The following GPC3 variants were observed in gnomAD, a reference collection of about 807,000 sequenced individuals.
The protein encoded by GPC3 is glypican 3, also known as glypican-3.
A neutral mutation model predicts 34.4 loss-of-function variants in GPC3; 3 were observed. That is an observed-to-expected ratio of 0.09 (90% CI 0.04 to 0.23). GPC3 has a LOEUF of 0.23. GPC3 is among the 10% of genes least tolerant of loss of function. The pLI, the probability that GPC3 is intolerant of heterozygous loss-of-function variation, is 1.00. For synonymous variants in GPC3, 177 were observed against 174.0 expected, an observed-to-expected ratio of 1.02 and a Z score of -0.13; for missense variants, 351 against 445.6, an observed-to-expected ratio of 0.79 and a Z score of 1.91.
intron 2 of GPC3, among the ~76,000 whole-genome samples, chrX:133,846,048 AG>A: frequency 8.9e-6 from 1 of 112,089 alleles, no homozygotes; most frequent in Non-Finnish European, 1.9e-5. Flanking sequence ...GACTTAGGAA[AG>A]GATTACTGTG....
intron 2 of GPC3, among the ~76,000 whole-genome samples, chrX:133,835,600 C>T (rs756435039): frequency 8.9e-6 from 1 of 111,785 alleles, no homozygotes; most frequent in South Asian, 3.8e-4. Context: ...CTCTCTACTT[C>T]CTTCAGGATA....
chrX:133,711,658 T>C (rs1170428048), intron 3 of GPC3, among the ~76,000 whole-genome samples: 2 of 112,145 alleles, frequency 1.8e-5, no homozygotes, highest in Non-Finnish European at 3.8e-5. Context: ...ATAATAATAC[T>C]AAGACTTTAT....
At chrX:133,653,973 C>T (rs192917322) in intron 6 of GPC3, among the ~76,000 whole-genome samples, 1 of 111,789 alleles carries the variant, frequency 8.9e-6, no homozygotes, top group East Asian at 2.8e-4. Flanking sequence ...AGTCATTTCC[C>T]TCTCCTGGCT....
chrX:133,628,918 G>A (rs988567239), intron 6 of GPC3, among the ~76,000 whole-genome samples: 3 of 111,038 alleles, frequency 2.7e-5, no homozygotes, highest in Admixed American at 9.7e-5. Flanking sequence ...GGATGTCCAC[G>A]CGAATCAAGG....
Position 133,791,829 on chromosome X carries a change from CT to C in GPC3, c.338-37654del, listed in dbSNP as rs1347315368. Among the ~76,000 whole-genome samples the C allele has an allele frequency of 2.7e-4, 27 of 98,775 alleles. No individual in the cohort carries two copies. The South Asian group carries it at 4.9e-3, about 18-fold the overall frequency. 85.8% of individuals were successfully genotyped at this position (98,775 alleles called of 115,157 possible). A position where few individuals can be genotyped will look rare whatever the true frequency, so the allele number is the denominator to read the frequency against. ...CCTTCCTTCCTTCCTTCCTTCCTTCCTTCCTTCCTTCCTTCCTTCCTCCCTC... is the reference window on the plus strand; with the variant it reads ...CCTTCCTTCCTTCCTTCCTTCCTTCCTCCTTCCTTCCTTCCTTCCTCCCTC... On this transcript the variant is annotated intron_variant, in intron 2 of 7. Coordinates refer to ENST00000370818, the MANE Select transcript of GPC3 (RefSeq NM_004484.4).
intron 2 of GPC3, among the ~76,000 whole-genome samples, chrX:133,834,588 A>T (rs1302256756): frequency 8.9e-6 from 1 of 112,028 alleles, no homozygotes; most frequent in Non-Finnish European, 1.9e-5. Context: ...AAGAAAGAAT[A>T]AAGTGGGCAT....
chrX:133,557,250 C>T (rs759941029), intron 7 of GPC3, among the ~76,000 whole-genome samples: 11 of 111,095 alleles, frequency 9.9e-5, no homozygotes, highest in Admixed American at 3.8e-4. Flanking sequence ...GCCGAGATCA[C>T]GCCACTGCAC....
chrX:133,755,441 A>G (rs1030932272), intron 2 of GPC3, among the ~76,000 whole-genome samples: 1 of 112,215 alleles, frequency 8.9e-6, no homozygotes, highest in African/African-American at 3.2e-5. Flanking sequence ...AGAGTAGAAC[A>G]TGCTCCCTAG....
intron 2 of GPC3, among the ~76,000 whole-genome samples, chrX:133,801,197 G>T (rs2075607950): frequency 9.0e-6 from 1 of 111,282 alleles, no homozygotes; most frequent in Non-Finnish European, 1.9e-5. Context: ...CACAAAGGGG[G>T]TTTCTTTTTA....
chrX:133,861,072 G>A (rs1462341491), intron 2 of GPC3, among the ~76,000 whole-genome samples: 1 of 111,443 alleles, frequency 9.0e-6, no homozygotes, highest in Non-Finnish European at 1.9e-5. Context: ...TCCAGCCTGG[G>A]TGACAAAGTG....
chrX:133,750,935 T>C (rs1220085023), intron 3 of GPC3, among the ~76,000 whole-genome samples: 1 of 108,964 alleles, frequency 9.2e-6, no homozygotes, highest in Non-Finnish European at 1.9e-5. Flanking sequence ...TAGCCAGGCA[T>C]GGTGGCATGC....
chrX:133,828,332 T>C (rs189756137), intron 2 of GPC3, among the ~76,000 whole-genome samples: 1 of 110,447 alleles, frequency 9.1e-6, no homozygotes, highest in Admixed American at 9.6e-5. Flanking sequence ...AATTTTTGTA[T>C]TTTTAGTAGA....
intron 2 of GPC3, among the ~76,000 whole-genome samples, chrX:133,913,817 C>G (rs750922261): frequency 1.8e-5 from 2 of 110,490 alleles, no homozygotes; most frequent in Non-Finnish European, 3.8e-5. Context: ...TGGTGGAGAG[C>G]CTGCTCTCTT....
chrX:133,639,578 G>A (rs1021086512), intron 6 of GPC3, among the ~76,000 whole-genome samples: 5 of 111,891 alleles, frequency 4.5e-5, no homozygotes, highest in Non-Finnish European at 9.4e-5. Flanking sequence ...ACAGAACACA[G>A]AATGTCTGTG....
intron 5 of GPC3, chrX:133,671,273 T>A (rs2070824751): frequency 2.0e-6 from 2 of 991,034 alleles, no homozygotes; most frequent in Non-Finnish European, 2.9e-6. Context: ...ACATGGCCTG[T>A]ATGAGAAGAA....
At chrX:133,576,489 C>T (rs1477836999) in intron 7 of GPC3, among the ~76,000 whole-genome samples, 3 of 110,928 alleles carry the variant, frequency 2.7e-5, no homozygotes, top group African/African-American at 9.9e-5. Context: ...ATCCACCCGC[C>T]TCAGCCTCCC....
At chrX:133,870,508 G>A in intron 2 of GPC3, among the ~76,000 whole-genome samples, 1 of 111,411 alleles carries the variant, frequency 9.0e-6, no homozygotes, top group Middle Eastern at 4.7e-3. Context: ...CATTTCCCAG[G>A]GCAGCCAATC....
intron 2 of GPC3, among the ~76,000 whole-genome samples, chrX:133,810,324 A>G (rs1268368430): frequency 8.9e-6 from 1 of 112,273 alleles, no homozygotes; most frequent in East Asian, 2.8e-4. Context: ...TCTTTCTATA[A>G]TATCTAATTG....
chrX:133,959,337 A>G (rs1349624807), intron 1 of GPC3, among the ~76,000 whole-genome samples: 1 of 112,161 alleles, frequency 8.9e-6, no homozygotes, highest in East Asian at 2.8e-4. Context: ...TACCACATTC[A>G]CTTGGAGACC....
Sources: gnomAD v4.1 joint callset for allele counts (sites outside exome capture counted in the v4.1 genomes callset) on GRCh38, gnomAD v4.1.1 for gene constraint, MANE v1.5 for transcripts, NCBI Gene and HGNC (gene_info 2026-07-23, HGNC 2026-07-21) for gene names.